Variants in LRP1B observed in about 807,000 individuals in gnomAD.
LRP1B encodes low-density lipoprotein receptor-related protein 1B.
A neutral mutation model predicts 556.6 loss-of-function variants in LRP1B; 217 were observed. The ratio of observed to expected loss-of-function variants is 0.39; its 90% CI spans 0.35 to 0.44. The LOEUF is 0.44. LRP1B is among the 20% of genes least tolerant of loss of function. The pLI, the probability that LRP1B is intolerant of heterozygous loss-of-function variation, is 1.00. For missense variants in LRP1B, 5,053 were observed against 5,620.8 expected (o/e 0.90, Z 3.23); for synonymous variants, 2,047 against 1,865.8 (o/e 1.10, Z -2.50).
intron 83 of LRP1B, 57 bp from the exon 84 acceptor site, chr2:140,298,026 C>A (rs2105001615): frequency 6.7e-7 from 1 of 1,487,788 alleles, no homozygotes; most frequent in South Asian, 1.3e-5. Flanking sequence ...AGTTTATTTT[C>A]AAGGAATTTT....
intron 37 of LRP1B, among the ~76,000 whole-genome samples, chr2:140,708,179 G>C (rs1479039399): frequency 1.3e-5 from 2 of 152,006 alleles, no homozygotes; most frequent in Admixed American, 6.6e-5. Flanking sequence ...AGTCATAAAT[G>C]TAGGGGCTTG....
At chr2:140,295,392 T>C (rs1013648181) in intron 84 of LRP1B, among the ~76,000 whole-genome samples, 1 of 152,190 alleles carries the variant, frequency 6.6e-6, no homozygotes, top group Non-Finnish European at 1.5e-5. Context: ...TTAAATGTTT[T>C]CTTGCTTCTG....
At chr2:141,953,149 T>C (rs1272916824) in intron 1 of LRP1B, among the ~76,000 whole-genome samples, 2 of 152,074 alleles carry the variant, frequency 1.3e-5, no homozygotes. Flanking sequence ...TGGTTCTTCA[T>C]GAATAAGCAT....
intron 3 of LRP1B, among the ~76,000 whole-genome samples, chr2:141,359,811 C>T (rs1409961155): frequency 8.4e-6 from 1 of 119,734 alleles, no homozygotes; most frequent in Non-Finnish European, 1.6e-5. Flanking sequence ...TTAAATATAT[C>T]AATATCTATG....
chr2:140,280,253 CTTAGTAA>C (rs1206983260), intron 84 of LRP1B, among the ~76,000 whole-genome samples: 1 of 151,580 alleles, frequency 6.6e-6, no homozygotes, highest in Non-Finnish European at 1.5e-5. Flanking sequence ...TGAAATTCAG[CTTAGTAA>C]TTAGTAGCAC....
Position 140,495,683 on chromosome 2 carries a change from G to A in LRP1B, c.8916C>T (p.Cys2972=), listed in dbSNP as rs1486382997. The stretch of plus-strand genomic sequence containing the variant: ...GCTGGCTACAGGGAAAGCCTGAAGA[G>A]CATTCATCAATGTCTACACATGTTT... ...DGKTCVDIDE[C]SSGFPCSQQC... Residue 2972 remains cysteine, a synonymous_variant, in exon 56 of 91, where the codon TGC becomes TGT. Coordinates refer to ENST00000389484, the MANE Select transcript of LRP1B (RefSeq NM_018557.3). The A allele has an allele frequency of 1.9e-6, 3 of 1,613,954 alleles. No individual in the cohort carries two copies. The highest frequency in any genetic ancestry group is 3.3e-5 in the Admixed American group (2 of 60,020).
intron 1 of LRP1B, among the ~76,000 whole-genome samples, chr2:142,052,708 C>A (rs1052633647): frequency 2.0e-5 from 3 of 152,052 alleles, no homozygotes; most frequent in South Asian, 2.1e-4. Flanking sequence ...CTCTCTCTAA[C>A]GGTCTCCCCT....
chr2:140,816,723 T>C (rs1691137821), intron 31 of LRP1B, among the ~76,000 whole-genome samples: 1 of 152,082 alleles, frequency 6.6e-6, no homozygotes, highest in Admixed American at 6.6e-5. Context: ...GTTCATAAAA[T>C]AGAATTGCAA....
chr2:141,481,764 A>G lies in LRP1B; in HGVS notation c.206-1231T>C, dbSNP rs10187678. Among the ~76,000 whole-genome samples the G allele has an allele frequency of 4.6e-3, 704 of 152,248 alleles. 3 individuals carry two copies. The highest frequency in any genetic ancestry group is 0.016 in the African/African-American group (666 of 41,556). Reference sequence around the variant, plus strand: ...GGTCCAAATGCTGGCCCCAGTATTCATAAGCTGAGTGGCTTGAGCAAGCTA... The same window carrying G: ...GGTCCAAATGCTGGCCCCAGTATTCGTAAGCTGAGTGGCTTGAGCAAGCTA... On this transcript the variant is annotated intron_variant, in intron 2 of 90. Coordinates refer to ENST00000389484, the MANE Select transcript of LRP1B (RefSeq NM_018557.3).
chr2:142,020,521 C>A (rs1252186733), intron 1 of LRP1B, among the ~76,000 whole-genome samples: 1 of 152,096 alleles, frequency 6.6e-6, no homozygotes. Context: ...CAGAATAAAA[C>A]AGTGACCACG....
At chr2:140,500,597 C>T (rs1266558317) in intron 55 of LRP1B, among the ~76,000 whole-genome samples, 1 of 151,992 alleles carries the variant, frequency 6.6e-6, no homozygotes, top group Non-Finnish European at 1.5e-5. Flanking sequence ...TGCTTTCCAA[C>T]TCTTAATTCC....
intron 67 of LRP1B, among the ~76,000 whole-genome samples, chr2:140,381,442 C>T (rs1297785478): frequency 6.6e-6 from 1 of 152,148 alleles, no homozygotes; most frequent in South Asian, 2.1e-4. Flanking sequence ...ATGGGGAACT[C>T]TACACGGGAA....
At chr2:140,363,540 A>G (rs973435956) in intron 72 of LRP1B, among the ~76,000 whole-genome samples, 1 of 151,682 alleles carries the variant, frequency 6.6e-6, no homozygotes, top group African/African-American at 2.4e-5. Context: ...ATATTGTTAA[A>G]TATTTTATGA....
chr2:140,692,986 C>T (rs1686299492), intron 41 of LRP1B, among the ~76,000 whole-genome samples: 1 of 151,978 alleles, frequency 6.6e-6, no homozygotes, highest in African/African-American at 2.4e-5. Flanking sequence ...TCATTTTTTG[C>T]ATATAAATTG....
chr2:140,601,087 A>C (rs77479831), intron 42 of LRP1B, among the ~76,000 whole-genome samples: 4 of 22,568 alleles, frequency 1.8e-4, no homozygotes, highest in Non-Finnish European at 5.0e-4. Flanking sequence ...TTAAAATGCA[A>C]AAAAAAAAAA....
intron 37 of LRP1B, among the ~76,000 whole-genome samples, chr2:140,706,692 C>T (rs1209962147): frequency 6.6e-6 from 1 of 152,116 alleles, no homozygotes; most frequent in African/African-American, 2.4e-5. Context: ...AAAAAGATCA[C>T]ATTTGGTAGC....
intron 2 of LRP1B, among the ~76,000 whole-genome samples, chr2:141,644,573 T>G (rs1380581203): frequency 6.6e-6 from 1 of 152,104 alleles, no homozygotes; most frequent in Non-Finnish European, 1.5e-5. Flanking sequence ...TTAGATAAAT[T>G]GTGACATACA....
intron 41 of LRP1B, among the ~76,000 whole-genome samples, chr2:140,607,090 C>T (rs1682894777): frequency 6.6e-6 from 1 of 151,962 alleles, no homozygotes; most frequent in Non-Finnish European, 1.5e-5. Flanking sequence ...ATACACTCAA[C>T]AATAAAACAA....
intron 62 of LRP1B, among the ~76,000 whole-genome samples, chr2:140,454,952 G>A (rs1687036239): frequency 6.6e-6 from 1 of 152,106 alleles, no homozygotes; most frequent in South Asian, 2.1e-4. Flanking sequence ...CTAAGCCAGC[G>A]ACAGCCTTAC....
Sources: gnomAD v4.1 joint callset for allele counts (sites outside exome capture counted in the v4.1 genomes callset) on GRCh38, gnomAD v4.1.1 for gene constraint, MANE v1.5 for transcripts, NCBI Gene and HGNC (gene_info 2026-07-23, HGNC 2026-07-21) for gene names.